Variants in MTG1 observed in about 807,000 individuals in gnomAD.
MTG1 encodes mitochondrial ribosome-associated GTPase 1.
A neutral mutation model predicts 39.5 loss-of-function variants in MTG1; 30 were observed. The observed-to-expected ratio is 0.76, with a 90% CI of 0.57 to 1.03. The LOEUF is 1.03. MTG1 is among the 50% of genes least tolerant of loss of function. MTG1 has a pLI of 0.00. For missense variants in MTG1, 513 were observed against 447.4 expected (o/e 1.15, Z -1.32); for synonymous variants, 217 against 179.0 (o/e 1.21, Z -1.69).
chr10:133,408,921 A>G (rs1850006772), intron 9 of MTG1, among the ~76,000 whole-genome samples: 1 of 149,240 alleles, frequency 6.7e-6, no homozygotes, highest in South Asian at 2.1e-4. Flanking sequence ...GATTTTATTT[A>G]TTTTGATCTT....
chr10:133,419,222 G>A (rs1455648468), intron 9 of MTG1, among the ~76,000 whole-genome samples: 1 of 152,226 alleles, frequency 6.6e-6, no homozygotes, highest in Non-Finnish European at 1.5e-5. Context: ...CTCCGGTGGT[G>A]GGAGCCGCCC....
At chr10:133,394,486 C>T in intron 1 of MTG1, 154 bp downstream of exon 1, 5 of 1,336,474 alleles carry the variant, frequency 3.7e-6, no homozygotes, top group Middle Eastern at 2.7e-4. Context: ...CGCTCTCACC[C>T]GCTCCCGGAG....
chr10:133,416,976 C>T (rs1463567143), intron 9 of MTG1, among the ~76,000 whole-genome samples: 2 of 151,530 alleles, frequency 1.3e-5, no homozygotes, highest in African/African-American at 4.9e-5. Flanking sequence ...GAGGAATCGC[C>T]ACACTGACTT....
intron 9 of MTG1, among the ~76,000 whole-genome samples, chr10:133,409,840 C>T (rs888723469): frequency 6.1e-5 from 9 of 148,114 alleles, no homozygotes; most frequent in African/African-American, 2.0e-4. Context: ...TGCTCCTGCT[C>T]TTTATACAGT....
At chr10:133,407,025 A>G (rs1353146497) in intron 9 of MTG1, among the ~76,000 whole-genome samples, 2 of 104,188 alleles carry the variant, frequency 1.9e-5, no homozygotes, top group Admixed American at 9.5e-5. Flanking sequence ...GTGGTTATCC[A>G]GTTTAACCAG....
intron 3 of MTG1, 62 bp from the exon 4 acceptor site, chr10:133,398,373 C>G: frequency 6.4e-7 from 1 of 1,550,910 alleles, no homozygotes; most frequent in Non-Finnish European, 8.8e-7. Context: ...GCACTCCAGC[C>G]TGGGTGACAG....
At chr10:133,417,228 G>A (rs1325717081) in intron 9 of MTG1, among the ~76,000 whole-genome samples, 4 of 151,416 alleles carry the variant, frequency 2.6e-5, no homozygotes, top group Non-Finnish European at 4.4e-5. Flanking sequence ...TTCAATATAC[G>A]CAAATCAATA....
Position 133,394,307 on chromosome 10 carries a change from C to G in MTG1, c.87C>G (p.Arg29=). The stretch of plus-strand genomic sequence containing the variant: ...CCCTGTGCGGTCGCGACGTGGCGCG[C>G]TGGTTCCCGGGCCACATGGCCAAGG... ...NFPLCGRDVA[R]WFPGHMAKGL... The change falls in exon 1 of 11, where the codon CGC becomes CGG. Residue 29 remains arginine (R), a synonymous_variant. Transcript: ENST00000317502. 1 of 1,516,250 alleles carries G rather than the reference C, an allele frequency of 6.6e-7. No homozygotes were observed. The highest frequency in any genetic ancestry group is 8.8e-7 in the Non-Finnish European group (1 of 1,136,412). The allele number at this position is 1,516,250 out of a possible 1,614,324, so 93.9% of individuals were successfully genotyped here.
chr10:133,407,889 C>T (rs1361248811), intron 9 of MTG1, among the ~76,000 whole-genome samples: 2 of 152,118 alleles, frequency 1.3e-5, no homozygotes, highest in East Asian at 1.9e-4. Flanking sequence ...TTTCCGATTA[C>T]CTGCTGCTGA....
intron 4 of MTG1, 91 bp downstream of exon 4, chr10:133,398,606 A>G: frequency 2.1e-6 from 3 of 1,419,416 alleles, no homozygotes; most frequent in Non-Finnish European, 2.9e-6. Context: ...TAAGAAGCAG[A>G]GCTTTGGAAA....
chr10:133,403,037 AC>A (rs1295768365), intron 9 of MTG1, among the ~76,000 whole-genome samples: 3 of 142,022 alleles, frequency 2.1e-5, no homozygotes, highest in Non-Finnish European at 3.1e-5. Context: ...CGTTCCCGTC[AC>A]CCCCCATCCC....
chr10:133,399,232 T>C lies in MTG1; in HGVS notation c.420+6T>C. ...ACCGCTACCACCGAAAAGAGGTTGG[T>C]TGGTGGGGCCCAGAGCTGGGAGTGG... On this transcript the variant is annotated splice_donor_region_variant and intron_variant, in intron 5 of 10. Coordinates refer to ENST00000317502, the MANE Select transcript of MTG1 (RefSeq NM_138384.4). The C allele has an allele frequency of 6.2e-7, 1 of 1,613,832 alleles. No homozygotes were observed. Among genetic ancestry groups the C allele is most frequent in the Non-Finnish European group, 8.5e-7 (1 of 1,179,972 alleles).
rs759848833 is a variant in MTG1, at chr10:133,402,215, G to C, written c.640G>C (p.Val214Leu). ...PGVLAPRIES[V>L]ETGLKLALCG... ...CGTGCTGGCTCCTCGGATTGAAAGT[G>C]TGGAGACAGGCCTGAAGCTGGCCCT... Residue 214 changes from valine to leucine, a missense_variant, in exon 8 of 11, where the codon GTG (valine) becomes CTG (leucine). Coordinates refer to ENST00000317502, the MANE Select transcript of MTG1 (RefSeq NM_138384.4). The surrounding 1 kb of genome is among the most constrained non-coding windows in gnomAD (Gnocchi z 4.7). The C allele has an allele frequency of 1.2e-6, 2 of 1,614,004 alleles. No individual in the cohort carries two copies. The highest frequency in any genetic ancestry group is 3.3e-5 in the Admixed American group (2 of 60,020).
chr10:133,419,790 G>A, intron 10 of MTG1, among the ~76,000 whole-genome samples, 198 bp downstream of exon 10: 1 of 152,216 alleles, frequency 6.6e-6, no homozygotes, highest in East Asian at 1.9e-4. Context: ...CCGAGGGTGA[G>A]ACCAGCCCTG....
At chr10:133,407,737 T>G (rs1306808911) in intron 9 of MTG1, among the ~76,000 whole-genome samples, 1 of 152,094 alleles carries the variant, frequency 6.6e-6, no homozygotes, top group Admixed American at 6.5e-5. Context: ...CCTGGCTCAT[T>G]TTTTATAATT....
Position 133,394,229 on chromosome 10 carries a change from G to A in MTG1, c.9G>A (p.Leu3=). Reference sequence around the variant, plus strand: ...CCGGGGACGGTGCCGCCATGAGATTGACCCCGCGCGCGCTGTGCAGCGCCG... The same window carrying A: ...CCGGGGACGGTGCCGCCATGAGATTAACCCCGCGCGCGCTGTGCAGCGCCG... MR[L]TPRALCSAAQ... Residue 3 remains leucine, a synonymous_variant, in exon 1 of 11, where the codon TTG becomes TTA. Coordinates refer to ENST00000317502, the MANE Select transcript of MTG1 (RefSeq NM_138384.4). The A allele has an allele frequency of 6.6e-7, 1 of 1,516,712 alleles. No individual in the cohort carries two copies. The highest frequency in any genetic ancestry group is 8.8e-7 in the Non-Finnish European group (1 of 1,137,174). 94.0% of individuals were successfully genotyped at this position (1,516,712 alleles called of 1,614,324 possible).
At chr10:133,399,144 G>A (rs754506797) in intron 4 of MTG1, 26 bp from the exon 5 acceptor site, 15 of 1,614,174 alleles carry the variant, frequency 9.3e-6, no homozygotes, top group Middle Eastern at 3.3e-4. Context: ...ACCTGGGGTG[G>A]CTCCATGAGT....
At chr10:133,403,409 C>T (rs1310034476) in intron 9 of MTG1, among the ~76,000 whole-genome samples, 1 of 152,076 alleles carries the variant, frequency 6.6e-6, no homozygotes, top group African/African-American at 2.4e-5. Context: ...GTTCCCGTCA[C>T]CCCCAGTCCC....
At chr10:133,417,293 A>G (rs1589919504) in intron 9 of MTG1, among the ~76,000 whole-genome samples, 1 of 151,790 alleles carries the variant, frequency 6.6e-6, no homozygotes, top group Admixed American at 6.6e-5. Context: ...GATTATCTCA[A>G]TAGATGCAGA....
Sources: gnomAD v4.1 joint callset for allele counts (sites outside exome capture counted in the v4.1 genomes callset) on GRCh38, gnomAD v4.1.1 for gene constraint, Gnocchi (gnomAD v3.1) non-coding constraint, MANE v1.5 for transcripts, NCBI Gene and HGNC (gene_info 2026-07-23, HGNC 2026-07-21) for gene names.